The following DACH1 variants were observed in gnomAD, a reference collection of about 807,000 sequenced individuals.
DACH1 encodes dachshund homolog 1.
A neutral mutation model predicts 54.2 loss-of-function variants in DACH1; 12 were observed. The ratio of observed to expected loss-of-function variants is 0.22; its 90% CI spans 0.14 to 0.36. DACH1 has a LOEUF of 0.36. Among genes scored for constraint, DACH1 ranks in the 10% least tolerant of loss-of-function variants. DACH1 has a pLI of 1.00. For synonymous variants in DACH1, 386 were observed against 366.2 expected (o/e 1.05, Z -0.62); for missense variants, 805 against 929.8 (o/e 0.87, Z 1.75).
At chr13:71,744,591 C>G (rs748700393) in intron 1 of DACH1, among the ~76,000 whole-genome samples, 1 of 152,182 alleles carries the variant, frequency 6.6e-6, no homozygotes, top group East Asian at 1.9e-4. Context: ...GGCAAAAACT[C>G]TTACAATTAG....
At chr13:71,652,676 C>T (rs1056155838) in intron 2 of DACH1, among the ~76,000 whole-genome samples, 15 of 151,982 alleles carry the variant, frequency 9.9e-5, no homozygotes, top group African/African-American at 3.4e-4. Context: ...TGTCTTCCTC[C>T]GCCTCACCTT....
chr13:71,816,573 TATATACAC>T (rs1887932353), intron 1 of DACH1, among the ~76,000 whole-genome samples: 1 of 139,382 alleles, frequency 7.2e-6, no homozygotes, highest in Admixed American at 7.4e-5. Flanking sequence ...TGTGTGTATA[TATATACAC>T]GTATATATAT....
At chr13:71,715,451 C>A (rs568836159) in intron 1 of DACH1, among the ~76,000 whole-genome samples, 1 of 152,196 alleles carries the variant, frequency 6.6e-6, no homozygotes, top group Admixed American at 6.5e-5. Flanking sequence ...GTGTATGCTG[C>A]TCTGTTCAGG....
intron 2 of DACH1, among the ~76,000 whole-genome samples, chr13:71,654,458 G>GTAAAGTAAAATAAAA (rs1566409141): frequency 2.4e-4 from 17 of 71,286 alleles, no homozygotes; most frequent in South Asian, 5.4e-4. Flanking sequence ...ATAAAATAAA[G>GTAAAGTAAAATAAAA]TAAAATAAAA....
At chr13:71,536,017 T>C (rs1882767568) in intron 6 of DACH1, among the ~76,000 whole-genome samples, 1 of 152,014 alleles carries the variant, frequency 6.6e-6, no homozygotes, top group Admixed American at 6.6e-5. Flanking sequence ...CATATTTGTT[T>C]TATTTGATAA....
At chr13:71,807,952 A>G (rs1887575479) in intron 1 of DACH1, among the ~76,000 whole-genome samples, 1 of 152,130 alleles carries the variant, frequency 6.6e-6, no homozygotes, top group African/African-American at 2.4e-5. Flanking sequence ...GTTAATGTCA[A>G]CCTTATCAAA....
Position 71,475,835 on chromosome 13 carries a change from T to G in DACH1, c.1885A>C (p.Arg629=), listed in dbSNP as rs1359337983. 2 of 1,609,774 alleles carry G rather than the reference T, an allele frequency of 1.2e-6. No individual in the cohort carries two copies. The highest frequency in any genetic ancestry group is 3.3e-4 in the Middle Eastern group (2 of 6,032). Residue 629 remains arginine, a synonymous_variant, in exon 9 of 11, where the codon AGG becomes CGG. Transcript: ENST00000613252. ...TTTGCCTTCTTCTCCTTCTTTAGCCTCTTTTGAACTATGGCTAAAAAAGAG... is the reference window on the plus strand; with the variant it reads ...TTTGCCTTCTTCTCCTTCTTTAGCCGCTTTTGAACTATGGCTAAAAAAGAG... ...EQKNRAIVQK[R]LKKEKKAKRK...
intron 1 of DACH1, among the ~76,000 whole-genome samples, chr13:71,758,855 A>G (rs536999172): frequency 2.0e-5 from 3 of 152,304 alleles, no homozygotes; most frequent in African/African-American, 4.8e-5. Context: ...TGCTTTGAAG[A>G]AAGTTATTAT....
chr13:71,567,524 C>A (rs1884963715), intron 4 of DACH1, among the ~76,000 whole-genome samples: 1 of 151,852 alleles, frequency 6.6e-6, no homozygotes, highest in Non-Finnish European at 1.5e-5. Flanking sequence ...GGATTCCCTG[C>A]AAAATTCTAG....
intron 6 of DACH1, among the ~76,000 whole-genome samples, chr13:71,552,041 T>C (rs913716263): frequency 5.9e-5 from 9 of 152,078 alleles, no homozygotes. Flanking sequence ...GCCTCTGAAA[T>C]GTTGGTCTCC....
chr13:71,820,755 G>A (rs1888154298), intron 1 of DACH1, among the ~76,000 whole-genome samples: 1 of 152,172 alleles, frequency 6.6e-6, no homozygotes, highest in Non-Finnish European at 1.5e-5. Context: ...TTCTTAGTAT[G>A]ACTTCCACGG....
chr13:71,492,058 G>C (rs1879023410), intron 6 of DACH1, among the ~76,000 whole-genome samples: 1 of 152,054 alleles, frequency 6.6e-6, no homozygotes, highest in Non-Finnish European at 1.5e-5. Flanking sequence ...TTTTGGATTA[G>C]TATAGCATTT....
chr13:71,728,580 CTA>C (rs1883590173), intron 1 of DACH1, among the ~76,000 whole-genome samples: 1 of 151,966 alleles, frequency 6.6e-6, no homozygotes, highest in African/African-American at 2.4e-5. Flanking sequence ...ATAAATGACT[CTA>C]TAAATTTAAT....
intron 1 of DACH1, among the ~76,000 whole-genome samples, chr13:71,779,296 T>C (rs1021456750): frequency 1.1e-4 from 8 of 73,462 alleles, no homozygotes; most frequent in East Asian, 8.4e-4. Flanking sequence ...TATATACACA[T>C]ATATATATTT....
intron 1 of DACH1, among the ~76,000 whole-genome samples, chr13:71,788,776 GA>G (rs58706530): frequency 6.6e-6 from 1 of 151,758 alleles, no homozygotes; most frequent in Non-Finnish European, 1.5e-5. Flanking sequence ...CTCATAATTG[GA>G]AAAAATGCAT....
chr13:71,771,785 TACACACAC>T, intron 1 of DACH1, among the ~76,000 whole-genome samples: 1 of 149,242 alleles, frequency 6.7e-6, no homozygotes, highest in Admixed American at 6.7e-5. Context: ...CACACACACA[TACACACAC>T]ACTCTTTATC....
intron 1 of DACH1, among the ~76,000 whole-genome samples, chr13:71,829,752 T>G (rs1029598397): frequency 6.6e-6 from 1 of 151,982 alleles, no homozygotes; most frequent in Non-Finnish European, 1.5e-5. Context: ...ATGTCAGAAG[T>G]GATAAATCAA....
intron 3 of DACH1, among the ~76,000 whole-genome samples, chr13:71,583,812 G>A (rs1160568500): frequency 6.6e-6 from 1 of 152,150 alleles, no homozygotes. Context: ...TCCAGCCTGG[G>A]TGACTGAGCA....
intron 1 of DACH1, among the ~76,000 whole-genome samples, chr13:71,687,964 A>G (rs146904491): frequency 1.5e-3 from 236 of 152,310 alleles, no homozygotes; most frequent in African/African-American, 5.4e-3. Flanking sequence ...TATTTTTCAG[A>G]GACTTCATTG....
Sources: allele counts gnomAD v4.1 joint callset (sites outside exome capture counted in the v4.1 genomes callset), GRCh38; gene constraint gnomAD v4.1.1; transcripts MANE v1.5; gene names NCBI Gene and HGNC (gene_info 2026-07-23, HGNC 2026-07-21).